RNLS: variants seen among roughly 807,000 people sequenced by gnomAD.
The protein encoded by RNLS is renalase.
Under a neutral mutation model 39.8 loss-of-function variants are expected in RNLS, and 39 were observed. That is an observed-to-expected ratio of 0.98 (90% CI 0.76 to 1.28). The LOEUF (loss-of-function observed/expected upper bound fraction) is 1.28, where lower values mean the gene tolerates loss of function less well. RNLS is among the 50% of genes most tolerant of loss of function. The pLI is 0.00. For missense variants in RNLS, 410 were observed against 413.3 expected, an observed-to-expected ratio of 0.99 and a Z score of 0.07; for synonymous variants, 147 against 150.7, an observed-to-expected ratio of 0.98 and a Z score of 0.18.
chr10:88,242,411 G>A, the RNLS span, among the ~76,000 whole-genome samples: 1 of 152,140 alleles, frequency 6.6e-6, no homozygotes, highest in African/African-American at 2.4e-5. Context: ...TTTCCTCATA[G>A]CATTTATTTA....
intron 4 of RNLS, chr10:88,545,407 G>A: frequency 2.2e-6 from 1 of 454,900 alleles, no homozygotes; most frequent in East Asian, 7.0e-5. Flanking sequence ...ATGCTGGAAA[G>A]GCCTCACAAT....
At chr10:88,552,534 A>T (rs1848649506) in intron 4 of RNLS, among the ~76,000 whole-genome samples, 1 of 152,250 alleles carries the variant, frequency 6.6e-6, no homozygotes, top group African/African-American at 2.4e-5. Context: ...TGTAAAAGGT[A>T]GAAGAGTAGT....
the RNLS span, among the ~76,000 whole-genome samples, chr10:88,223,836 T>C: frequency 6.6e-6 from 1 of 152,086 alleles, no homozygotes; most frequent in Non-Finnish European, 1.5e-5. Context: ...GCCCCAACTC[T>C]CCTTATGCTG....
At chr10:88,263,003 C>T in the RNLS span, among the ~76,000 whole-genome samples, 1 of 152,076 alleles carries the variant, frequency 6.6e-6, no homozygotes, top group African/African-American at 2.4e-5. Context: ...TATTTCCTCT[C>T]TTAGGGCCTC....
chr10:88,509,745 A>C (rs2134147615), intron 4 of RNLS, among the ~76,000 whole-genome samples: 1 of 152,228 alleles, frequency 6.6e-6, no homozygotes, highest in East Asian at 1.9e-4. Flanking sequence ...GAAGGGGAGA[A>C]GGAAGGCTTA....
At chr10:88,270,259 G>A (rs76392622), downstream of RNLS, among the ~76,000 whole-genome samples, 1,079 of 152,254 alleles carry the variant, frequency 7.1e-3, 21 homozygotes, top group African/African-American at 0.025. Context: ...AGACCTATTT[G>A]CACTCCTAGT....
At chr10:88,265,417 T>C in the RNLS span, among the ~76,000 whole-genome samples, 2 of 149,906 alleles carry the variant, frequency 1.3e-5, no homozygotes, top group African/African-American at 4.9e-5. Flanking sequence ...GGGAATTGCA[T>C]TGAAATTGTA....
chr10:88,338,911 G>A (rs965525208), intron 5 of RNLS, among the ~76,000 whole-genome samples: 8 of 152,046 alleles, frequency 5.3e-5, no homozygotes, highest in South Asian at 2.1e-4. Context: ...ACAGGCGCCC[G>A]CCACCATGCC....
At chr10:88,356,378 T>C (rs925818856) in intron 5 of RNLS, among the ~76,000 whole-genome samples, 3 of 152,230 alleles carry the variant, frequency 2.0e-5, no homozygotes, top group Non-Finnish European at 4.4e-5. Flanking sequence ...ATTCAATTCT[T>C]AAGTGGACAA....
intron 6 of RNLS, among the ~76,000 whole-genome samples, chr10:88,276,266 T>C (rs1842810814): frequency 6.6e-6 from 1 of 152,164 alleles, no homozygotes; most frequent in African/African-American, 2.4e-5. Context: ...TAGTTTTGTT[T>C]TCTAAGAGTT....
chr10:88,371,239 G>C (rs1020331361), intron 4 of RNLS, among the ~76,000 whole-genome samples: 1 of 152,074 alleles, frequency 6.6e-6, no homozygotes, highest in Non-Finnish European at 1.5e-5. Flanking sequence ...CACATAACAA[G>C]TGTATTGCAA....
the RNLS span, among the ~76,000 whole-genome samples, chr10:88,242,190 C>A: frequency 6.6e-6 from 1 of 152,198 alleles, no homozygotes. Flanking sequence ...AGGTTGGCAT[C>A]CAACCCCTCC....
chr10:88,311,293 T>C (rs1227986433), intron 6 of RNLS, among the ~76,000 whole-genome samples: 5 of 152,214 alleles, frequency 3.3e-5, no homozygotes, highest in African/African-American at 1.2e-4. Flanking sequence ...TCAAGGTACA[T>C]GGAAAGACAT....
chr10:88,266,725 A>ACACCC, the RNLS span, among the ~76,000 whole-genome samples: 5 of 147,344 alleles, frequency 3.4e-5, no homozygotes, highest in East Asian at 7.8e-4. Context: ...ACACACACAC[A>ACACCC]CACACACACA....
In RNLS at chr10:88,301,104, T is replaced by C. The variant is rs562987602; in HGVS notation, c.876+13362A>G. Among the ~76,000 whole-genome samples, 84 of 152,350 alleles carry C rather than the reference T, an allele frequency of 5.5e-4. 1 individual carries two copies. Among genetic ancestry groups the C allele is most frequent in the African/African-American group, 1.9e-3 (77 of 41,586 alleles). The stretch of plus-strand genomic sequence containing the variant: ...TAGTTATTCTGAATAAGTGTGATAC[T>C]GACTACATGGCAGAGTAAGTCCCAA... On this transcript the variant is annotated intron_variant, in intron 6 of 6. Transcript: ENST00000331772.
chr10:88,405,333 C>T (rs925786539), intron 4 of RNLS, among the ~76,000 whole-genome samples: 2 of 151,990 alleles, frequency 1.3e-5, no homozygotes, highest in African/African-American at 2.4e-5. Context: ...TTATCAACAT[C>T]GTTTCTTAGG....
In RNLS at chr10:88,504,952, G is replaced by A. The variant is rs145581522; in HGVS notation, c.526+67951C>T. Among the ~76,000 whole-genome samples the A allele has an allele frequency of 3.9e-3, 590 of 151,760 alleles. 3 individuals are homozygous for A. Among genetic ancestry groups the A allele is most frequent in the African/African-American group, 0.014 (559 of 41,394 alleles). On this transcript the variant is annotated intron_variant, in intron 4 of 6. Transcript: ENST00000331772. ...TGGGGATGCCAATAGGATCTGGGGG[G>A]AGATGATGAAGAAACCCGTGGTGCT...
Position 88,443,676 on chromosome 10 carries a change from A to G in RNLS, c.527-80951T>C, listed in dbSNP as rs761147675. Among the ~76,000 whole-genome samples, 4 of 152,394 alleles carry G rather than the reference A, an allele frequency of 2.6e-5. No homozygotes were observed. The East Asian group carries it at 7.7e-4, about 29-fold the overall frequency. On this transcript the variant is annotated intron_variant, in intron 4 of 6. Transcript: ENST00000331772. ...CACACCAGGAGATTATATCCCGTGC[A>G]TGGCTTGGAGGGTCCCATGCCCACA...
chr10:88,539,734 C>G (rs1847949067), intron 4 of RNLS, among the ~76,000 whole-genome samples: 2 of 151,986 alleles, frequency 1.3e-5, no homozygotes, highest in Non-Finnish European at 2.9e-5. Context: ...ATTTCAGGTT[C>G]ATGATTTTAG....
Sources: allele counts gnomAD v4.1 joint callset (sites outside exome capture counted in the v4.1 genomes callset), GRCh38; gene constraint gnomAD v4.1.1; transcripts MANE v1.5; gene names NCBI Gene and HGNC (gene_info 2026-07-23, HGNC 2026-07-21).